Variants in CFI observed in about 807,000 individuals in gnomAD.
CFI encodes the protein complement factor I, also known as C3B/C4B inactivator.
In CFI, 66 loss-of-function variants were observed where a neutral mutation model predicts 78.8. That is an observed-to-expected ratio of 0.84 (90% CI 0.69 to 1.03). CFI has a LOEUF of 1.03. Ranked by LOEUF, CFI falls within the 50% of genes least tolerant of loss-of-function variation. The pLI, the probability that CFI is intolerant of heterozygous loss-of-function variation, is 0.00. For missense variants in CFI, 706 were observed against 704.5 expected, an observed-to-expected ratio of 1.00 and a Z score of -0.02; for synonymous variants, 250 against 232.6, an observed-to-expected ratio of 1.07 and a Z score of -0.68.
intron 1 of CFI, chr4:109,793,541 T>A (rs990422476): frequency 3.9e-5 from 6 of 152,262 alleles, no homozygotes; most frequent in Admixed American, 3.9e-4. Context: ...AATTTAATTT[T>A]ATTTTAGAGA....
chr4:109,791,788 T>C (rs1381589285), intron 1 of CFI, among the ~76,000 whole-genome samples: 1 of 152,110 alleles, frequency 6.6e-6, no homozygotes, highest in East Asian at 1.9e-4. Flanking sequence ...CTATTCTTTT[T>C]TAATGTAGGC....
At chr4:109,742,394 T>A in intron 12 of CFI, 97 bp downstream of exon 12, 3 of 815,690 alleles carry the variant, frequency 3.7e-6, no homozygotes, top group Non-Finnish European at 4.3e-6. Flanking sequence ...TGGAGGGAAT[T>A]AGGGCCCAAA....
At chr4:109,753,099 C>T (rs193155995) in intron 7 of CFI, among the ~76,000 whole-genome samples, 941 of 2,116 alleles carry the variant, frequency 0.44, 188 homozygotes, top group African/African-American at 0.52. Flanking sequence ...ATTATATAAA[C>T]AAATATTTAT....
At position 109,798,534 on chromosome 4, in the gene CFI, A is replaced by G. The variant is rs147078747; in HGVS notation, c.57+3381T>C. Among the ~76,000 whole-genome samples, 672 of 151,636 alleles carry G rather than the reference A, an allele frequency of 4.4e-3. 7 individuals carry two copies. Among genetic ancestry groups the G allele is most frequent in the African/African-American group, 0.015 (640 of 41,338 alleles). ...TTTTTTTTTTTTAAAAAGACCATTA[A>G]GTCTTTGTTTAGTGAGTCCAAAGTT... On this transcript the variant is annotated intron_variant, in intron 1 of 12. Coordinates refer to ENST00000394634, the MANE Select transcript of CFI (RefSeq NM_000204.5).
intron 6 of CFI, among the ~76,000 whole-genome samples, chr4:109,759,310 A>G (rs1191745566): frequency 6.6e-6 from 1 of 152,034 alleles, no homozygotes; most frequent in African/African-American, 2.4e-5. Context: ...GGTGGGGAAG[A>G]TAACTCTTGA....
chr4:109,735,921 G>T (rs1368720844), downstream of CFI, among the ~76,000 whole-genome samples: 1 of 152,236 alleles, frequency 6.6e-6, no homozygotes, highest in Non-Finnish European at 1.5e-5. Context: ...ATCAAATTGT[G>T]ACAGGTTCAT....
intron 4 of CFI, among the ~76,000 whole-genome samples, chr4:109,760,903 C>T (rs76445603): frequency 0.012 from 1,859 of 152,242 alleles, 50 homozygotes; most frequent in African/African-American, 0.042. Flanking sequence ...ATCAAGAGTA[C>T]GTGCTGACAT....
chr4:109,735,082 GC>G, the CFI span, among the ~76,000 whole-genome samples: 1 of 152,098 alleles, frequency 6.6e-6, no homozygotes, highest in Non-Finnish European at 1.5e-5. Flanking sequence ...CTCCTGAGTA[GC>G]TAGGAATACA....
chr4:109,777,866 C>A (rs1346474180), intron 1 of CFI, among the ~76,000 whole-genome samples: 5 of 152,098 alleles, frequency 3.3e-5, no homozygotes, highest in Non-Finnish European at 7.4e-5. Flanking sequence ...ACTGAACAAC[C>A]TGCTCCCGAA....
At chr4:109,787,278 ACTT>A (rs1295851597) in intron 1 of CFI, among the ~76,000 whole-genome samples, 1 of 152,158 alleles carries the variant, frequency 6.6e-6, no homozygotes, top group Non-Finnish European at 1.5e-5. Context: ...TGAATAAGCA[ACTT>A]GGATCCCAAG....
At chr4:109,783,538 G>C (rs1730331257) in intron 1 of CFI, among the ~76,000 whole-genome samples, 1 of 151,832 alleles carries the variant, frequency 6.6e-6, no homozygotes, top group Non-Finnish European at 1.5e-5. Flanking sequence ...ATGTTGGTGT[G>C]GATGTGGTGA....
intron 1 of CFI, among the ~76,000 whole-genome samples, chr4:109,780,531 G>A (rs1048291105): frequency 4.6e-5 from 7 of 152,080 alleles, no homozygotes; most frequent in East Asian, 1.9e-4. Context: ...AAATAGGAAC[G>A]CTTTTACATT....
Position 109,800,797 on chromosome 4 carries a change from T to G in CFI, c.57+1118A>C, listed in dbSNP as rs182584877. Among the ~76,000 whole-genome samples the G allele has an allele frequency of 3.8e-3, 576 of 152,196 alleles. 5 individuals are homozygous for G. Among genetic ancestry groups the G allele is most frequent in the Non-Finnish European group, 3.6e-3 (248 of 68,006 alleles). On this transcript the variant is annotated intron_variant, in intron 1 of 12. Transcript: ENST00000394634. Reference sequence around the variant, plus strand: ...CACACATACATATGTGTGTGTGTGTTTTTCTTCAATAAAAATAAAATTGTA... The same window carrying G: ...CACACATACATATGTGTGTGTGTGTGTTTCTTCAATAAAAATAAAATTGTA...
intron 1 of CFI, among the ~76,000 whole-genome samples, chr4:109,777,713 A>C (rs1729448806): frequency 6.6e-6 from 1 of 152,182 alleles, no homozygotes; most frequent in African/African-American, 2.4e-5. Context: ...TTATTCCAAA[A>C]CTGACCACAT....
chr4:109,796,312 G>C (rs765725621), intron 1 of CFI, among the ~76,000 whole-genome samples: 1 of 152,050 alleles, frequency 6.6e-6, no homozygotes, highest in Non-Finnish European at 1.5e-5. Flanking sequence ...AAATGAAAGA[G>C]AGATAAAGAC....
chr4:109,766,308 G>C (rs1727741935), intron 2 of CFI, among the ~76,000 whole-genome samples: 1 of 152,078 alleles, frequency 6.6e-6, no homozygotes, highest in Non-Finnish European at 1.5e-5. Flanking sequence ...GGGCTGGGCA[G>C]CAGGGAGTGG....
downstream of CFI, among the ~76,000 whole-genome samples, chr4:109,735,854 G>A (rs933674956): frequency 7.9e-5 from 12 of 152,252 alleles, no homozygotes; most frequent in Non-Finnish European, 1.2e-4. Flanking sequence ...GGGCTAGCTT[G>A]AAGCAGGCTT....
chr4:109,739,799 G>T (rs1723602277), downstream of CFI, among the ~76,000 whole-genome samples: 1 of 152,094 alleles, frequency 6.6e-6, no homozygotes, highest in Non-Finnish European at 1.5e-5. Flanking sequence ...AGAAGGAAGA[G>T]GCTGAGAACA....
intron 7 of CFI, among the ~76,000 whole-genome samples, chr4:109,753,411 TATAA>T (rs1469927624): frequency 0.048 from 205 of 4,270 alleles, 41 homozygotes; most frequent in African/African-American, 0.053. Context: ...ATATTTATTA[TATAA>T]ATAAATATTT....
Sources: gnomAD v4.1 joint callset for allele counts (sites outside exome capture counted in the v4.1 genomes callset) on GRCh38, gnomAD v4.1.1 for gene constraint, MANE v1.5 for transcripts, NCBI Gene and HGNC (gene_info 2026-07-23, HGNC 2026-07-21) for gene names.